The following TRIQK variants were observed in gnomAD, a reference collection of about 807,000 sequenced individuals.
The protein encoded by TRIQK is triple QxxK/R motif containing.
In TRIQK, 10 loss-of-function variants were observed where a neutral mutation model predicts 10.8. That is an observed-to-expected ratio of 0.92 (90% CI 0.57 to 1.57). The LOEUF (loss-of-function observed/expected upper bound fraction) is 1.57. TRIQK is among the 40% of genes most tolerant of loss of function. The probability of loss-of-function intolerance (pLI) is 0.00; values close to 1 mark genes in which losing one functional copy is unlikely to be tolerated. For synonymous variants in TRIQK, 33 were observed against 33.7 expected, an observed-to-expected ratio of 0.98 and a Z score of 0.07; for missense variants, 107 against 97.7, an observed-to-expected ratio of 1.09 and a Z score of -0.40.
intron 1 of TRIQK, among the ~76,000 whole-genome samples, chr8:92,981,009 TTC>T (rs1327896838): frequency 6.6e-6 from 1 of 151,672 alleles, no homozygotes; most frequent in Non-Finnish European, 1.5e-5. Flanking sequence ...GCATAAATTT[TTC>T]TCTGAGTTCT....
upstream of TRIQK, among the ~76,000 whole-genome samples, chr8:92,969,631 G>A (rs968458460): frequency 2.0e-5 from 3 of 150,162 alleles, no homozygotes; most frequent in Non-Finnish European, 4.4e-5. Context: ...TAGGATACAT[G>A]TGCAGAATGT....
chr8:92,897,591 G>C (rs554913381), intron 3 of TRIQK, among the ~76,000 whole-genome samples: 6 of 152,034 alleles, frequency 3.9e-5, no homozygotes, highest in Non-Finnish European at 4.4e-5. Context: ...AGGATGATGC[G>C]TTGACCTTTG....
At chr8:92,967,103 C>T (rs897891194), upstream of TRIQK, among the ~76,000 whole-genome samples, 1 of 151,944 alleles carries the variant, frequency 6.6e-6, no homozygotes, top group Middle Eastern at 3.4e-3. Flanking sequence ...TTTCCGTCCT[C>T]CTAAATCATT....
At chr8:92,933,931 A>G (rs1810857089) in intron 2 of TRIQK, among the ~76,000 whole-genome samples, 1 of 152,094 alleles carries the variant, frequency 6.6e-6, no homozygotes, top group African/African-American at 2.4e-5. Flanking sequence ...AGTCATTTCT[A>G]TGTGTATTAT....
At position 92,966,021 on chromosome 8, in the gene TRIQK, G is replaced by A. The variant is rs1812734254; in HGVS notation, c.-195C>T. The A allele has an allele frequency of 1.3e-5, 2 of 152,652 alleles. No homozygotes were observed. Among genetic ancestry groups the A allele is most frequent in the Admixed American group, 1.3e-4 (2 of 15,296 alleles). The allele number at this position is 152,652 out of a possible 1,614,324, so 9.5% of individuals were successfully genotyped here. Reference sequence around the variant, plus strand: ...CGGACACACACCTCAGCTCTGCCAAGGCAAGGGCCGACAAACTTCGTGTCC... The same window carrying A: ...CGGACACACACCTCAGCTCTGCCAAAGCAAGGGCCGACAAACTTCGTGTCC... On this transcript the variant is annotated 5_prime_UTR_variant, in exon 1 of 5. Transcript: ENST00000521988.
chr8:93,006,885 G>A (rs72660408), intron 1 of TRIQK, among the ~76,000 whole-genome samples: 4,686 of 152,286 alleles, frequency 0.031, 119 homozygotes, highest in South Asian at 0.049. Context: ...CAGCAGGGGT[G>A]GCCACGGTCT....
chr8:93,003,410 C>T (rs770285668), intron 1 of TRIQK, among the ~76,000 whole-genome samples: 2 of 151,524 alleles, frequency 1.3e-5, no homozygotes, highest in African/African-American at 4.9e-5. Context: ...AATCATGAGA[C>T]CAGCAAGAGA....
intron 2 of TRIQK, among the ~76,000 whole-genome samples, chr8:92,931,607 T>C (rs1206750092): frequency 1.3e-5 from 2 of 152,176 alleles, no homozygotes; most frequent in East Asian, 3.8e-4. Context: ...GAATAAAAGA[T>C]ATCAAGAACT....
intron 3 of TRIQK, among the ~76,000 whole-genome samples, chr8:92,895,529 T>G (rs1486164075): frequency 6.6e-6 from 1 of 152,096 alleles, no homozygotes; most frequent in Non-Finnish European, 1.5e-5. Flanking sequence ...GTAAGGAAAG[T>G]CTGAATCTTC....
intron 2 of TRIQK, among the ~76,000 whole-genome samples, chr8:92,936,436 G>A (rs527519443): frequency 2.6e-5 from 4 of 151,638 alleles, no homozygotes; most frequent in African/African-American, 9.6e-5. Context: ...TTATTACAGG[G>A]GGAGAGAGAA....
At chr8:92,959,237 T>G (rs73695598) in intron 1 of TRIQK, among the ~76,000 whole-genome samples, 1 of 152,194 alleles carries the variant, frequency 6.6e-6, no homozygotes, top group African/African-American at 2.4e-5. Flanking sequence ...GGTCGTAGTT[T>G]GCTATTCAAT....
At chr8:92,945,124 T>C (rs1811463152) in intron 2 of TRIQK, among the ~76,000 whole-genome samples, 1 of 152,196 alleles carries the variant, frequency 6.6e-6, no homozygotes, top group Admixed American at 6.5e-5. Context: ...TTACCCATTA[T>C]CCTATGTTGG....
intron 1 of TRIQK, among the ~76,000 whole-genome samples, chr8:93,010,883 G>T (rs1445634052): frequency 6.6e-6 from 1 of 152,026 alleles, no homozygotes; most frequent in Non-Finnish European, 1.5e-5. Context: ...CATGCTATTT[G>T]CAGTCAAATG....
At chr8:92,917,136 A>T in intron 2 of TRIQK, 126 bp from the exon 3 acceptor site, 1 of 426,844 alleles carries the variant, frequency 2.3e-6, no homozygotes. Flanking sequence ...TATTTCCATT[A>T]AATATTCATA....
At chr8:92,921,017 T>G (rs1235085890) in intron 2 of TRIQK, among the ~76,000 whole-genome samples, 1 of 151,692 alleles carries the variant, frequency 6.6e-6, no homozygotes, top group African/African-American at 2.4e-5. Flanking sequence ...ATCTTCTCAG[T>G]GGTCTCGTGA....
chr8:92,917,617 G>T (rs1308725312), intron 2 of TRIQK, among the ~76,000 whole-genome samples: 2 of 151,698 alleles, frequency 1.3e-5, no homozygotes, highest in African/African-American at 2.4e-5. Flanking sequence ...TACAATAGTT[G>T]TACCTACTTT....
At chr8:92,956,025 G>C (rs1183977058) in intron 1 of TRIQK, among the ~76,000 whole-genome samples, 2 of 151,716 alleles carry the variant, frequency 1.3e-5, no homozygotes, top group African/African-American at 4.8e-5. Flanking sequence ...AATGCACGGA[G>C]TTACCACGTG....
intron 3 of TRIQK, among the ~76,000 whole-genome samples, chr8:92,907,865 T>C (rs1408174204): frequency 6.6e-6 from 1 of 152,088 alleles, no homozygotes; most frequent in Admixed American, 6.6e-5. Flanking sequence ...AATATTAATA[T>C]TGAGAGATAT....
rs1000452145 is a variant in TRIQK at position 92,985,115 on chromosome 8, C to A, written c.-180-30551G>T. Reference sequence around the variant, plus strand: ...TTTGTTTCATTTGTTTTCTTTGTTTCAAAGTCAAATGACACTGTGATTGAT... The same window carrying A: ...TTTGTTTCATTTGTTTTCTTTGTTTAAAAGTCAAATGACACTGTGATTGAT... On this transcript the variant is annotated intron_variant, in intron 1 of 4. Transcript: ENST00000520686. Among the ~76,000 whole-genome samples, 3 of 148,006 alleles carry A rather than the reference C, an allele frequency of 2.0e-5. No individual in the cohort carries two copies. The East Asian group carries it at 5.8e-4, about 29-fold the overall frequency.
Sources: allele counts gnomAD v4.1 joint callset (sites outside exome capture counted in the v4.1 genomes callset), GRCh38; gene constraint gnomAD v4.1.1; transcripts MANE v1.5; gene names NCBI Gene and HGNC (gene_info 2026-07-23, HGNC 2026-07-21).